ITGA11: variants seen among roughly 807,000 people sequenced by gnomAD.
ITGA11 encodes the protein integrin subunit alpha 11, also known as integrin alpha-11.
Under a neutral mutation model 141.9 loss-of-function variants are expected in ITGA11, and 97 were observed. The ratio of observed to expected loss-of-function variants is 0.68; its 90% CI spans 0.58 to 0.81. The LOEUF (loss-of-function observed/expected upper bound fraction) is 0.81. Among genes scored for constraint, ITGA11 ranks in the 30% least tolerant of loss-of-function variants. The pLI is 0.00. For synonymous variants in ITGA11, 658 were observed against 624.6 expected (o/e 1.05, Z -0.80); for missense variants, 1,387 against 1,559.2 (o/e 0.89, Z 1.86).
intron 24 of ITGA11, among the ~76,000 whole-genome samples, chr15:68,312,474 T>C (rs995548532): frequency 1.3e-5 from 2 of 152,182 alleles, no homozygotes; most frequent in African/African-American, 4.8e-5. Flanking sequence ...TCTGGGCTTC[T>C]TTTATGGGAG....
intron 10 of ITGA11, among the ~76,000 whole-genome samples, chr15:68,341,309 T>C (rs573763945): frequency 9.2e-5 from 14 of 152,226 alleles, no homozygotes; most frequent in Non-Finnish European, 1.9e-4. Context: ...ATATTCGCTG[T>C]CCACAAAGTC....
In ITGA11 at chr15:68,328,347, G is replaced by T. The variant is rs2140298861; in HGVS notation, c.1902-85C>A. 6.2e-6 allele frequency: 8 copies of T among 1,295,006 alleles called. No individual in the cohort carries two copies. Among genetic ancestry groups the T allele is most frequent in the Non-Finnish European group, 8.6e-6 (8 of 926,978 alleles). 80.2% of individuals were successfully genotyped at this position (1,295,006 alleles called of 1,614,324 possible). A position where few individuals can be genotyped will look rare whatever the true frequency, so the allele number is the denominator to read the frequency against. On this transcript the variant is annotated intron_variant, in intron 15 of 29. Coordinates refer to ENST00000315757, the MANE Select transcript of ITGA11 (RefSeq NM_001004439.2). This position sits in a 1 kb window ranked among gnomAD's most constrained non-coding sequence, Gnocchi z 4.8. ...CCATGGGGAAAGACAAGAACCAGAT[G>T]CGAGTGGGATCTGCAAAGCCACTGG...
rs773448634 is a variant in ITGA11, at chr15:68,331,054, C to T, written c.1828G>A (p.Gly610Arg). The T allele has an allele frequency of 3.5e-5, 56 of 1,611,128 alleles. No individual in the cohort carries two copies. Among genetic ancestry groups the T allele is most frequent in the Non-Finnish European group, 4.2e-5 (50 of 1,178,744 alleles). Residue 610 changes from glycine (G) to arginine (R), a missense_variant, in exon 15 of 30, where the codon GGG (glycine) becomes AGG (arginine). Gly to Arg is a moderately radical substitution (Grantham distance 125, BLOSUM62 -2). Coordinates refer to ENST00000315757, the MANE Select transcript of ITGA11 (RefSeq NM_001004439.2). ...GLQYFGCSIH[G>R]QLDLNEDGLI... ...CCATCCTCATTGAGGTCCAATTGCC[C>T]GTGGATGCTGCAGCCAAAATACTGG...
In ITGA11 at chr15:68,317,265, C is replaced by G. The variant is rs772450012; in HGVS notation, c.2715G>C (p.Lys905Asn). The change falls in exon 21 of 30, where the codon AAG becomes AAC. Residue 905 changes from lysine (K) to asparagine (N), a missense_variant and splice_region_variant. Transcript: ENST00000315757. Reference sequence around the variant, plus strand: ...CCCCCACATTGTCCCCAGTCTCAACCTTGGCCTTGGCCCGGAAGAAGGGAT... The same window carrying G: ...CCCCCACATTGTCCCCAGTCTCAACGTTGGCCTTGGCCCGGAAGAAGGGAT... The part of the protein sequence containing the change: ...VSYPFFRAKA[K>N]VAFRLDFEFS... 6.2e-7 allele frequency: 1 copy of G among 1,611,688 alleles called. No homozygotes were observed. Among genetic ancestry groups the G allele is most frequent in the Non-Finnish European group, 8.5e-7 (1 of 1,177,822 alleles).
intron 1 of ITGA11, among the ~76,000 whole-genome samples, chr15:68,425,784 G>T (rs995842702): frequency 3.3e-5 from 5 of 152,210 alleles, no homozygotes; most frequent in African/African-American, 1.2e-4. Context: ...CTGAAAATCC[G>T]CAGGGTCAGG....
intron 18 of ITGA11, among the ~76,000 whole-genome samples, chr15:68,323,483 A>G (rs570177854): frequency 6.6e-6 from 1 of 152,350 alleles, no homozygotes; most frequent in African/African-American, 2.4e-5. Flanking sequence ...AACAGGCCAG[A>G]TATTATGGTA....
At chr15:68,312,718 T>C in intron 24 of ITGA11, 55 bp downstream of exon 24, 1 of 1,302,906 alleles carries the variant, frequency 7.7e-7, no homozygotes, top group Non-Finnish European at 1.1e-6. Flanking sequence ...CCCTCCAGGA[T>C]GGGGGTGCTC....
chr15:68,381,991 C>T (rs1232247195), intron 2 of ITGA11, among the ~76,000 whole-genome samples: 2 of 152,194 alleles, frequency 1.3e-5, no homozygotes, highest in Non-Finnish European at 2.9e-5. Flanking sequence ...AGTGCAGGAG[C>T]GCAGAGGACA....
At chr15:68,345,258 A>C (rs769214914) in intron 10 of ITGA11, among the ~76,000 whole-genome samples, 2 of 152,204 alleles carry the variant, frequency 1.3e-5, no homozygotes, top group Non-Finnish European at 2.9e-5. Flanking sequence ...AAGTCTGACC[A>C]GGGATCCACA....
intron 2 of ITGA11, among the ~76,000 whole-genome samples, chr15:68,380,870 C>A (rs1032244981): frequency 3.3e-5 from 5 of 152,174 alleles, no homozygotes; most frequent in African/African-American, 1.2e-4. Context: ...TCCCTTCTTG[C>A]CTCACTTGTC....
At position 68,321,562 on chromosome 15, in the gene ITGA11, CA is replaced by C. The variant is rs944427136; in HGVS notation, c.2323-60del. 9.3e-7 allele frequency: 1 copy of C among 1,078,270 alleles called. No individual in the cohort carries two copies. Among genetic ancestry groups the C allele is most frequent in the African/African-American group, 1.6e-5 (1 of 61,260 alleles). The allele number at this position is 1,078,270 out of a possible 1,614,324, so 66.8% of individuals were successfully genotyped here. A position where few individuals can be genotyped will look rare whatever the true frequency, so the allele number is the denominator to read the frequency against. On this transcript the variant is annotated intron_variant, in intron 18 of 29. Transcript: ENST00000315757. This position sits in a 1 kb window ranked among gnomAD's most constrained non-coding sequence, Gnocchi z 4.9. ...GTAGGGACCCGCAGCCCCTCGCCCTCAATGTACACCAGCTCTGTCTCCACCA... is the reference window on the plus strand; with the variant it reads ...GTAGGGACCCGCAGCCCCTCGCCCTCATGTACACCAGCTCTGTCTCCACCA...
chr15:68,374,848 C>T (rs925178104), intron 2 of ITGA11, among the ~76,000 whole-genome samples: 11 of 152,238 alleles, frequency 7.2e-5, no homozygotes, highest in Admixed American at 6.5e-4. Context: ...CCTCACATCC[C>T]GGGAAATCCA....
At chr15:68,358,923 T>C (rs1358374357) in intron 5 of ITGA11, among the ~76,000 whole-genome samples, 1 of 152,240 alleles carries the variant, frequency 6.6e-6, no homozygotes, top group African/African-American at 2.4e-5. Context: ...TTTGTTTTGC[T>C]GTAATGAGCA....
intron 5 of ITGA11, among the ~76,000 whole-genome samples, chr15:68,360,595 C>G (rs893232126): frequency 9.9e-5 from 15 of 152,080 alleles, no homozygotes; most frequent in Admixed American, 7.9e-4. Context: ...TGCTGGTCAG[C>G]CAGGTGAGGA....
At chr15:68,405,767 G>A (rs569231373) in intron 1 of ITGA11, among the ~76,000 whole-genome samples, 23 of 152,058 alleles carry the variant, frequency 1.5e-4, no homozygotes, top group South Asian at 1.2e-3. Context: ...TGCAGAGCTC[G>A]GAGCTTGGTG....
chr15:68,415,159 G>A (rs1286586712), intron 1 of ITGA11, among the ~76,000 whole-genome samples: 1 of 152,168 alleles, frequency 6.6e-6, no homozygotes, highest in Admixed American at 6.5e-5. Context: ...TCTTCTGAAG[G>A]AAGCGCTATG....
intron 7 of ITGA11, among the ~76,000 whole-genome samples, chr15:68,355,436 G>T (rs1895040183): frequency 6.6e-6 from 1 of 151,786 alleles, no homozygotes; most frequent in African/African-American, 2.4e-5. Context: ...CTACTAAATA[G>T]TTCTTTTTTT....
At chr15:68,330,423 TTTATG>T (rs1403858326) in intron 15 of ITGA11, among the ~76,000 whole-genome samples, 1 of 152,178 alleles carries the variant, frequency 6.6e-6, no homozygotes, top group Non-Finnish European at 1.5e-5. Flanking sequence ...ATAAATGTTC[TTTATG>T]TTATTATATT....
At chr15:68,350,153 C>T (rs976495560) in intron 9 of ITGA11, among the ~76,000 whole-genome samples, 6 of 152,100 alleles carry the variant, frequency 3.9e-5, no homozygotes, top group African/African-American at 7.2e-5. Context: ...GCCTCACGTC[C>T]GGCACGGAGT....
Sources: allele counts gnomAD v4.1 joint callset (sites outside exome capture counted in the v4.1 genomes callset), GRCh38; gene constraint gnomAD v4.1.1; non-coding constraint Gnocchi (gnomAD v3.1); transcripts MANE v1.5; gene names NCBI Gene and HGNC (gene_info 2026-07-23, HGNC 2026-07-21).